APBA2: variants seen among roughly 807,000 people sequenced by gnomAD.
APBA2 encodes amyloid-beta A4 precursor protein-binding family A member 2.
Under a neutral mutation model 75.0 loss-of-function variants are expected in APBA2, and 30 were observed. That is an observed-to-expected ratio of 0.40 (90% CI 0.30 to 0.54). The LOEUF is 0.54. APBA2 is among the 20% of genes least tolerant of loss of function. The probability of loss-of-function intolerance (pLI) is 0.49; values close to 1 mark genes in which losing one functional copy is unlikely to be tolerated. For synonymous variants in APBA2, 444 were observed against 409.6 expected (o/e 1.08, Z -1.01); for missense variants, 801 against 1,016.1 (o/e 0.79, Z 2.88).
At chr15:28,967,524 C>T (rs1302610230) in intron 2 of APBA2, among the ~76,000 whole-genome samples, 5 of 152,210 alleles carry the variant, frequency 3.3e-5, no homozygotes, top group South Asian at 2.1e-4. Context: ...CTGCAAGCTC[C>T]GCCTCCCGGG....
chr15:28,906,425 C>T (rs1340896725), intron 1 of APBA2, among the ~76,000 whole-genome samples: 1 of 152,200 alleles, frequency 6.6e-6, no homozygotes, highest in African/African-American at 2.4e-5. Context: ...ATTTTTCTCA[C>T]TTATGGAAAA....
chr15:29,094,269 T>A lies in APBA2; in HGVS notation c.1216-9T>A. The A allele has an allele frequency of 6.2e-7, 1 of 1,614,158 alleles. No individual in the cohort carries two copies. The highest frequency in any genetic ancestry group is 8.5e-7 in the Non-Finnish European group (1 of 1,179,990). ...CAACTTGTTTTTCTTTTCTCTTCCA[T>A]GCTGTCAGAGGATGCAAAAGGCTGC... On this transcript the variant is annotated splice_polypyrimidine_tract_variant and intron_variant, in intron 7 of 14. Coordinates refer to ENST00000683413, the MANE Select transcript of APBA2 (RefSeq NM_001353788.2).
intron 4 of APBA2, among the ~76,000 whole-genome samples, chr15:29,066,545 C>A (rs1361397356): frequency 2.0e-5 from 3 of 151,798 alleles, no homozygotes; most frequent in African/African-American, 7.3e-5. Context: ...TGGTCAGGGG[C>A]TGGAGAGAGC....
At chr15:28,915,232 T>TACCCCATATATACCACACACCACACACAC (rs2033631080) in intron 1 of APBA2, among the ~76,000 whole-genome samples, 3 of 67,164 alleles carry the variant, frequency 4.5e-5, no homozygotes, top group African/African-American at 1.2e-4. Context: ...ATACCACACA[T>TACCCCATATATACCACACACCACACACAC]ACCCCATATA....
At chr15:28,908,588 C>T (rs948566225) in intron 1 of APBA2, among the ~76,000 whole-genome samples, 2 of 152,100 alleles carry the variant, frequency 1.3e-5, no homozygotes, top group South Asian at 2.1e-4. Flanking sequence ...GGATTACAGG[C>T]GTGAGCCACT....
At chr15:28,909,578 C>A (rs1005945061) in intron 1 of APBA2, among the ~76,000 whole-genome samples, 1 of 152,128 alleles carries the variant, frequency 6.6e-6, no homozygotes, top group South Asian at 2.1e-4. Flanking sequence ...TGATCTTGGT[C>A]GCCTCTGTGA....
chr15:29,054,733 G>T lies in APBA2; in HGVS notation c.849G>T (p.Ser283=). 6.2e-7 allele frequency: 1 copy of T among 1,612,294 alleles called. No homozygotes were observed. Among genetic ancestry groups the T allele is most frequent in the Admixed American group, 1.7e-5 (1 of 60,016 alleles). The change falls in exon 4 of 15, where the codon TCG becomes TCT. Residue 283 remains serine, a synonymous_variant. Coordinates refer to ENST00000683413, the MANE Select transcript of APBA2 (RefSeq NM_001353788.2). This position sits in a 1 kb window ranked among gnomAD's most constrained non-coding sequence, Gnocchi z 6.1. ...GCAGGCACGAGGCGAGGCCCAAGTC[G>T]CTGAACCTCCTTCCCGAGGCCAAGC... ...SPSRHEARPK[S]LNLLPEAKHP...
At chr15:29,050,532 G>T (rs140633461) in intron 3 of APBA2, among the ~76,000 whole-genome samples, 39 of 152,278 alleles carry the variant, frequency 2.6e-4, no homozygotes, top group Non-Finnish European at 4.9e-4. Context: ...CTGAAGGCTT[G>T]GAGAGCTAAT....
At position 28,995,775 on chromosome 15, in the gene APBA2, T is replaced by A. The variant is rs949613731; in HGVS notation, c.-72T>A. 1.3e-5 allele frequency: 2 copies of A among 152,148 alleles called. No homozygotes were observed. The highest frequency in any genetic ancestry group is 4.8e-5 in the African/African-American group (2 of 41,430). 9.4% of individuals were successfully genotyped at this position (152,148 alleles called of 1,614,324 possible). A position where few individuals can be genotyped will look rare whatever the true frequency, so the allele number is the denominator to read the frequency against. Reference sequence around the variant, plus strand: ...CAGAAAGATTTGATCACCAGGAGATTTTTCGGGACATTACCAAACCACTCA... The same window carrying A: ...CAGAAAGATTTGATCACCAGGAGATATTTCGGGACATTACCAAACCACTCA... On this transcript the variant is annotated 5_prime_UTR_variant, in exon 3 of 15. Transcript: ENST00000683413.
chr15:28,894,550 G>A (rs553847198), intron 1 of APBA2, among the ~76,000 whole-genome samples: 1 of 152,108 alleles, frequency 6.6e-6, no homozygotes, highest in African/African-American at 2.4e-5. Flanking sequence ...CCAGGCAAAG[G>A]GCCAGCCTGG....
intron 1 of APBA2, among the ~76,000 whole-genome samples, chr15:28,908,450 A>G (rs1244257137): frequency 6.6e-6 from 1 of 151,930 alleles, no homozygotes; most frequent in Non-Finnish European, 1.5e-5. Context: ...ACCTGGGACT[A>G]CAGGCGCCCG....
chr15:29,058,335 AC>A (rs1284566512), intron 4 of APBA2, among the ~76,000 whole-genome samples: 1 of 151,890 alleles, frequency 6.6e-6, no homozygotes, highest in Admixed American at 6.6e-5. Flanking sequence ...ACATGGTGAA[AC>A]CCTGTCTCTG....
At chr15:29,116,788 A>AC (rs1357260795) in intron 14 of APBA2, among the ~76,000 whole-genome samples, 1 of 151,958 alleles carries the variant, frequency 6.6e-6, no homozygotes, top group Non-Finnish European at 1.5e-5. Context: ...CCAATTTCTC[A>AC]CCCCTCGGGT....
At chr15:28,967,202 A>G (rs1434959689) in intron 2 of APBA2, among the ~76,000 whole-genome samples, 1 of 152,152 alleles carries the variant, frequency 6.6e-6, no homozygotes, top group East Asian at 1.9e-4. Flanking sequence ...TTGAGTCATA[A>G]TTCACATACC....
At chr15:28,982,091 G>A (rs892938297) in intron 2 of APBA2, among the ~76,000 whole-genome samples, 1 of 152,198 alleles carries the variant, frequency 6.6e-6, no homozygotes, top group Non-Finnish European at 1.5e-5. Flanking sequence ...ATACCCCAAA[G>A]CTTAGCATCA....
At chr15:28,923,822 G>A (rs138817917) in intron 2 of APBA2, among the ~76,000 whole-genome samples, 134 of 152,272 alleles carry the variant, frequency 8.8e-4, no homozygotes, top group African/African-American at 2.9e-3. Flanking sequence ...GCCTTTTGGG[G>A]TTTTAGAGGT....
intron 13 of APBA2, among the ~76,000 whole-genome samples, chr15:29,111,167 C>A (rs951080002): frequency 2.6e-5 from 4 of 151,922 alleles, no homozygotes; most frequent in Non-Finnish European, 5.9e-5. Flanking sequence ...GGTGTCTCTG[C>A]CCTGGGTCTA....
chr15:28,972,836 C>T (rs1345146824), intron 2 of APBA2, among the ~76,000 whole-genome samples: 1 of 152,144 alleles, frequency 6.6e-6, no homozygotes. Flanking sequence ...CACTGTGATC[C>T]AACACTTTTA....
chr15:29,052,105 A>G (rs2041621576), intron 3 of APBA2, among the ~76,000 whole-genome samples: 1 of 152,182 alleles, frequency 6.6e-6, no homozygotes. Context: ...AGGCATGTGT[A>G]ATGTAAGAGT....
Sources: gnomAD v4.1 joint callset for allele counts (sites outside exome capture counted in the v4.1 genomes callset) on GRCh38, gnomAD v4.1.1 for gene constraint, Gnocchi (gnomAD v3.1) non-coding constraint, MANE v1.5 for transcripts, NCBI Gene and HGNC (gene_info 2026-07-23, HGNC 2026-07-21) for gene names.